The following EDIL3 variants were observed in gnomAD, a reference collection of about 807,000 sequenced individuals.
EDIL3 encodes the protein EGF-like repeat and discoidin I-like domain-containing protein 3.
In EDIL3, 37 loss-of-function variants were observed where a neutral mutation model predicts 67.4. That is an observed-to-expected ratio of 0.55 (90% CI 0.42 to 0.72). The LOEUF is 0.72. EDIL3 is among the 30% of genes least tolerant of loss of function. The pLI, the probability that EDIL3 is intolerant of heterozygous loss-of-function variation, is 0.00. For synonymous variants in EDIL3, 195 were observed against 196.3 expected (o/e 0.99, Z 0.05); for missense variants, 527 against 586.3 (o/e 0.90, Z 1.04).
chr5:83,979,990 T>A (rs1175287135), intron 9 of EDIL3, among the ~76,000 whole-genome samples: 1 of 151,970 alleles, frequency 6.6e-6, no homozygotes, highest in Non-Finnish European at 1.5e-5. Context: ...AGAAAAGAAA[T>A]TGGAAAAAAC....
intron 1 of EDIL3, among the ~76,000 whole-genome samples, chr5:84,287,723 G>A (rs1745835944): frequency 6.6e-6 from 1 of 152,104 alleles, no homozygotes; most frequent in African/African-American, 2.4e-5. Context: ...CTTGACCAAT[G>A]AGCAGCATTA....
intron 1 of EDIL3, among the ~76,000 whole-genome samples, chr5:84,314,646 A>C (rs1746473858): frequency 1.3e-5 from 2 of 152,192 alleles, no homozygotes. Flanking sequence ...AAATTGTCAT[A>C]ATTTAATCCT....
At chr5:84,364,263 T>G (rs1747682128) in intron 1 of EDIL3, among the ~76,000 whole-genome samples, 1 of 152,184 alleles carries the variant, frequency 6.6e-6, no homozygotes, top group Non-Finnish European at 1.5e-5. Flanking sequence ...GTGGAGAAGC[T>G]ACGGTCTCTA....
In EDIL3 at chr5:84,381,747, A is replaced by G. The variant is rs971520530; in HGVS notation, c.67+2561T>C. The stretch of plus-strand genomic sequence containing the variant: ...CATAAGATGTCACGTGCTTGCTGCA[A>G]CTGTATGCATGTTATTGAATTTTTT... On this transcript the variant is annotated intron_variant, in intron 1 of 10. Coordinates refer to ENST00000296591, the MANE Select transcript of EDIL3 (RefSeq NM_005711.5). 4.6e-5 allele frequency among the ~76,000 whole-genome samples: 7 copies of G among 152,220 alleles called. No homozygotes were observed. In the East Asian group the frequency reaches 1.2e-3, roughly 25 times the overall value.
intron 9 of EDIL3, among the ~76,000 whole-genome samples, chr5:83,972,954 T>C (rs780746286): frequency 1.6e-4 from 24 of 152,092 alleles, no homozygotes; most frequent in Non-Finnish European, 3.4e-4. Context: ...GTAACTAAAA[T>C]TGACATCAAG....
At chr5:84,149,144 C>A (rs962008544) in intron 4 of EDIL3, among the ~76,000 whole-genome samples, 1 of 152,064 alleles carries the variant, frequency 6.6e-6, no homozygotes, top group East Asian at 1.9e-4. Flanking sequence ...TCTGGAGAGT[C>A]GACGGAGGCT....
intron 5 of EDIL3, among the ~76,000 whole-genome samples, chr5:84,134,771 G>A (rs552261361): frequency 6.6e-6 from 1 of 152,106 alleles, no homozygotes; most frequent in East Asian, 1.9e-4. Context: ...AATATTTTAG[G>A]GAACTCTCTA....
intron 1 of EDIL3, among the ~76,000 whole-genome samples, chr5:84,318,770 C>A (rs182925571): frequency 1.2e-4 from 19 of 152,216 alleles, no homozygotes; most frequent in Middle Eastern, 3.4e-3. Flanking sequence ...GACTAAAACA[C>A]CAAAAGCAAC....
At chr5:84,372,869 T>G (rs567801642) in intron 1 of EDIL3, among the ~76,000 whole-genome samples, 1 of 152,196 alleles carries the variant, frequency 6.6e-6, no homozygotes, top group South Asian at 2.1e-4. Flanking sequence ...AAGATTGTAA[T>G]GTGTCAAAAG....
chr5:84,197,267 G>A (rs1053122213), intron 3 of EDIL3, among the ~76,000 whole-genome samples: 2 of 152,098 alleles, frequency 1.3e-5, no homozygotes. Flanking sequence ...AGAGTTCTGG[G>A]AGGACATAAG....
At chr5:84,165,268 C>T (rs1485035856) in intron 4 of EDIL3, among the ~76,000 whole-genome samples, 1 of 152,022 alleles carries the variant, frequency 6.6e-6, no homozygotes, top group African/African-American at 2.4e-5. Context: ...GAATTGTTCC[C>T]ATATTCCTTT....
In EDIL3 at chr5:84,137,419, T is replaced by C. The variant is rs80110332; in HGVS notation, c.356-65A>G. ...TAAAAAATGATTAGATATTGGAAAG[T>C]TTTAACATTTGAAATACAAATGTCT... On this transcript the variant is annotated intron_variant, in intron 4 of 10. Transcript: ENST00000296591. 7.8e-4 allele frequency: 1,105 copies of C among 1,413,976 alleles called. 21 individuals are homozygous for C. In the East Asian group the frequency reaches 0.021, roughly 27 times the overall value. The allele number at this position is 1,413,976 out of a possible 1,614,324, so 87.6% of individuals were successfully genotyped here.
intron 4 of EDIL3, among the ~76,000 whole-genome samples, chr5:84,169,272 CAAAG>C (rs1748767667): frequency 6.6e-6 from 1 of 151,880 alleles, no homozygotes. Context: ...AACTATAATA[CAAAG>C]AAATACCATA....
intron 3 of EDIL3, among the ~76,000 whole-genome samples, chr5:84,203,556 T>C (rs1192007289): frequency 2.6e-5 from 4 of 152,128 alleles, no homozygotes; most frequent in Non-Finnish European, 5.9e-5. Context: ...CATGGGAACC[T>C]CTGAATTGGA....
intron 6 of EDIL3, among the ~76,000 whole-genome samples, chr5:84,073,495 A>T (rs1746786277): frequency 6.6e-6 from 1 of 152,240 alleles, no homozygotes; most frequent in Admixed American, 6.5e-5. Flanking sequence ...CAACTTCGGC[A>T]AAGTCTCAGG....
intron 2 of EDIL3, among the ~76,000 whole-genome samples, chr5:84,252,011 T>C (rs1745032266): frequency 6.6e-6 from 1 of 152,146 alleles, no homozygotes; most frequent in Admixed American, 6.5e-5. Flanking sequence ...TAATATGTAA[T>C]AATGAATCTG....
chr5:84,213,048 A>G (rs1744160560), intron 3 of EDIL3, among the ~76,000 whole-genome samples: 1 of 152,058 alleles, frequency 6.6e-6, no homozygotes, highest in Non-Finnish European at 1.5e-5. Context: ...ACTTAAAAAT[A>G]TGCTAATCTT....
chr5:84,237,220 G>A (rs565524678), intron 2 of EDIL3, among the ~76,000 whole-genome samples: 1 of 152,128 alleles, frequency 6.6e-6, no homozygotes, highest in South Asian at 2.1e-4. Flanking sequence ...CTGGACAAAT[G>A]AGCTAATCTA....
chr5:84,331,329 T>A (rs1156891693), intron 1 of EDIL3, among the ~76,000 whole-genome samples: 2 of 152,106 alleles, frequency 1.3e-5, no homozygotes, highest in African/African-American at 4.8e-5. Flanking sequence ...ACTGATATGG[T>A]TTGGCTGTGT....
Sources: allele counts gnomAD v4.1 joint callset (sites outside exome capture counted in the v4.1 genomes callset), GRCh38; gene constraint gnomAD v4.1.1; transcripts MANE v1.5; gene names NCBI Gene and HGNC (gene_info 2026-07-23, HGNC 2026-07-21).